PTPN20: variants seen among roughly 807,000 people sequenced by gnomAD.
PTPN20 encodes tyrosine-protein phosphatase non-receptor type 20.
A neutral mutation model predicts 35.0 loss-of-function variants in PTPN20; 9 were observed. The observed-to-expected ratio is 0.26, with a 90% confidence interval of 0.15 to 0.45. The LOEUF is 0.45. PTPN20 is among the 20% of genes least tolerant of loss of function. The pLI, the probability that PTPN20 is intolerant of heterozygous loss-of-function variation, is 1.00. For synonymous variants in PTPN20, 32 were observed against 100.2 expected (o/e 0.32, Z 4.06); for missense variants, 111 against 312.5 (o/e 0.36, Z 4.86).
At chr10:46,975,582 GA>G (rs2053272662) in intron 7 of PTPN20, among the ~76,000 whole-genome samples, 1 of 151,950 alleles carries the variant, frequency 6.6e-6, no homozygotes, top group African/African-American at 2.4e-5. Context: ...CTGCAAATAG[GA>G]GAGAGATCTG....
At chr10:46,952,811 A>C (rs1328811959) in intron 5 of PTPN20, among the ~76,000 whole-genome samples, 2 of 152,026 alleles carry the variant, frequency 1.3e-5, no homozygotes, top group Admixed American at 6.6e-5. Flanking sequence ...CTCCATTGGA[A>C]AGCAGCAGCC....
intron 9 of PTPN20, among the ~76,000 whole-genome samples, chr10:46,992,295 G>A (rs1350002753): frequency 1.3e-5 from 2 of 151,680 alleles, no homozygotes; most frequent in African/African-American, 2.4e-5. Context: ...ACTAGTTTTT[G>A]TATTTTTAGT....
At chr10:46,964,522 T>TG (rs1341224231) in intron 5 of PTPN20, among the ~76,000 whole-genome samples, 1 of 145,666 alleles carries the variant, frequency 6.9e-6, no homozygotes, top group African/African-American at 2.5e-5. Flanking sequence ...TGTGCACGTG[T>TG]GTGCGTTCAT....
At chr10:46,937,926 TTTC>T (rs2042211795) in intron 2 of PTPN20, among the ~76,000 whole-genome samples, 1 of 141,134 alleles carries the variant, frequency 7.1e-6, no homozygotes, top group Non-Finnish European at 1.5e-5. Flanking sequence ...CTTTTCTTTT[TTTC>T]TTCTTTTTTC....
intron 9 of PTPN20, among the ~76,000 whole-genome samples, chr10:46,998,126 A>T (rs1028335217): frequency 6.6e-6 from 1 of 152,228 alleles, no homozygotes; most frequent in Non-Finnish European, 1.5e-5. Flanking sequence ...CTCTTGGGGC[A>T]TTTATCCCAG....
At chr10:47,000,025 A>G (rs2059832539) in intron 10 of PTPN20, 51 bp downstream of exon 10, 2 of 1,606,490 alleles carry the variant, frequency 1.2e-6, no homozygotes, top group Non-Finnish European at 1.7e-6. Flanking sequence ...ATAAAGATTA[A>G]CATTGCATAA....
intron 7 of PTPN20, among the ~76,000 whole-genome samples, chr10:46,982,964 G>T (rs1259832026): frequency 6.7e-6 from 1 of 150,286 alleles, no homozygotes; most frequent in East Asian, 2.0e-4. Context: ...ACAAATAGGA[G>T]TTTTTAAGGT....
chr10:46,995,322 A>ATTTTTTTTTCTTTTTTTT (rs2058857101), intron 9 of PTPN20, among the ~76,000 whole-genome samples: 1 of 87,606 alleles, frequency 1.1e-5, no homozygotes. Flanking sequence ...TACCTGTCGA[A>ATTTTTTTTTCTTTTTTTT]TTTTTTTTTT....
At chr10:46,939,512 GT>G (rs1212286460) in intron 2 of PTPN20, among the ~76,000 whole-genome samples, 31 of 122,926 alleles carry the variant, frequency 2.5e-4, no homozygotes, top group African/African-American at 6.4e-4. Context: ...GTATTTTTAA[GT>G]TTTTTTTTTC....
intron 9 of PTPN20, among the ~76,000 whole-genome samples, chr10:46,998,648 C>G (rs1416839669): frequency 1.3e-5 from 2 of 152,172 alleles, no homozygotes; most frequent in Non-Finnish European, 2.9e-5. Context: ...CTCTCACACA[C>G]TCACTAACAG....
At chr10:46,999,881 A>G (rs782356430) in intron 9 of PTPN20, 31 bp from the exon 10 acceptor site, 11 of 1,612,712 alleles carry the variant, frequency 6.8e-6, no homozygotes, top group Non-Finnish European at 9.3e-6. Flanking sequence ...CCCCATGTGG[A>G]TCATACAAAA....
chr10:47,000,010 T>C, intron 10 of PTPN20, 36 bp downstream of exon 10: 1 of 1,612,568 alleles, frequency 6.2e-7, no homozygotes, highest in Non-Finnish European at 8.5e-7. Context: ...ATAAGAATAA[T>C]GAATATAAAG....
chr10:46,977,029 A>C (rs1368253993), intron 7 of PTPN20, among the ~76,000 whole-genome samples: 4 of 152,192 alleles, frequency 2.6e-5, no homozygotes, highest in Non-Finnish European at 5.9e-5. Context: ...GTCAAATATT[A>C]GTCTAGATGT....
At chr10:46,930,018 G>T (rs2133032412) in intron 1 of PTPN20, among the ~76,000 whole-genome samples, 1 of 143,306 alleles carries the variant, frequency 7.0e-6, no homozygotes, top group Non-Finnish European at 1.5e-5. Context: ...TAGAAAACAT[G>T]CCAGGAAAGG....
At chr10:46,964,446 G>A (rs1480587634) in intron 5 of PTPN20, among the ~76,000 whole-genome samples, 7 of 103,948 alleles carry the variant, frequency 6.7e-5, no homozygotes, top group Admixed American at 5.6e-4. Context: ...GGTTGCAAGT[G>A]TCCATATGTA....
intron 5 of PTPN20, among the ~76,000 whole-genome samples, chr10:46,953,466 A>G (rs1271718898): frequency 7.1e-6 from 1 of 141,034 alleles, no homozygotes; most frequent in Non-Finnish European, 1.5e-5. Context: ...GAGGAAAGGG[A>G]GTGGACATCC....
intron 4 of PTPN20, among the ~76,000 whole-genome samples, chr10:46,945,434 C>G (rs1186127308): frequency 3.5e-4 from 54 of 152,194 alleles, no homozygotes; most frequent in African/African-American, 1.3e-3. Flanking sequence ...AATTTTCTTA[C>G]AGAAGTAAAA....
chr10:46,977,389 G>T (rs2054079249), intron 7 of PTPN20, among the ~76,000 whole-genome samples: 1 of 152,298 alleles, frequency 6.6e-6, no homozygotes, highest in African/African-American at 2.4e-5. Context: ...ACAGAATTTG[G>T]TACTGAGAGC....
chr10:46,948,227 G>C (rs2045593120), intron 5 of PTPN20, among the ~76,000 whole-genome samples: 1 of 151,944 alleles, frequency 6.6e-6, no homozygotes, highest in Non-Finnish European at 1.5e-5. Flanking sequence ...TACAGATTCC[G>C]TCTCTGTTGT....
Sources: allele counts gnomAD v4.1 joint callset (sites outside exome capture counted in the v4.1 genomes callset), GRCh38; gene constraint gnomAD v4.1.1; transcripts MANE v1.5; gene names NCBI Gene and HGNC (gene_info 2026-07-23, HGNC 2026-07-21).